Variants in BBOX1 observed in about 807,000 individuals in gnomAD.
The protein encoded by BBOX1 is gamma-butyrobetaine dioxygenase.
BBOX1 carries 35 observed loss-of-function variants against 41.6 expected under a neutral mutation model. The observed-to-expected ratio is 0.84, with a 90% CI of 0.64 to 1.11. The LOEUF (loss-of-function observed/expected upper bound fraction) is 1.11, where lower values mean the gene tolerates loss of function less well. BBOX1 is among the 50% of genes most tolerant of loss of function. The pLI is 0.00. For missense variants in BBOX1, 458 were observed against 460.6 expected (o/e 0.99, Z 0.05); for synonymous variants, 163 against 154.7 (o/e 1.05, Z -0.40).
intron 2 of BBOX1, among the ~76,000 whole-genome samples, chr11:27,044,000 A>G (rs1412576488): frequency 2.0e-5 from 3 of 152,262 alleles, no homozygotes; most frequent in South Asian, 4.1e-4. Flanking sequence ...CTGGTTCTAG[A>G]TCCTTGAGGA....
In BBOX1 at chr11:27,055,289, G is replaced by A. The variant is rs934005809; in HGVS notation, c.-38-104G>A. ...AGTCAAACCGCAGACTCTGACAGCT[G>A]AGTGAATAGCAGAGGCCAGAGTCCA... On this transcript the variant is annotated intron_variant, in intron 2 of 8. Transcript: ENST00000263182. 5.9e-5 allele frequency: 41 copies of A among 700,202 alleles called. No individual in the cohort carries two copies. In the African/African-American group the frequency reaches 7.1e-4, roughly 12 times the overall value. 43.4% of individuals were successfully genotyped at this position (700,202 alleles called of 1,614,324 possible). A position where few individuals can be genotyped will look rare whatever the true frequency, so the allele number is the denominator to read the frequency against.
chr11:27,057,304 T>C lies in BBOX1; in HGVS notation c.323T>C (p.Leu108Ser). The C allele has an allele frequency of 8.7e-6, 14 of 1,609,554 alleles. No individual in the cohort carries two copies. The highest frequency in any genetic ancestry group is 1.1e-5 in the South Asian group (1 of 89,934). ...GCCAGAGCAAAGCTCCAAAGAGAAT[T>C]GTTTTTTCCAGGTAACTTTGCCAAA... is the stretch of plus-strand genomic sequence containing the variant. ...KQARAKLQRE[L>S]FFPECQYWGS... The change falls in exon 4 of 9, where the codon TTG (leucine) becomes TCG (serine). Residue 108 changes from leucine (L) to serine (S), a missense_variant. Physicochemically the swap from Leu to Ser is moderately radical, Grantham distance 145. Transcript: ENST00000263182.
At chr11:27,088,300 T>A (rs1253533798) in intron 4 of BBOX1, among the ~76,000 whole-genome samples, 1 of 152,026 alleles carries the variant, frequency 6.6e-6, no homozygotes. Context: ...TGCCACATGG[T>A]CACTGAAACT....
At chr11:27,043,618 G>A (rs1366855806) in intron 2 of BBOX1, among the ~76,000 whole-genome samples, 1 of 152,010 alleles carries the variant, frequency 6.6e-6, no homozygotes, top group Non-Finnish European at 1.5e-5. Context: ...CACAGGCCCT[G>A]GTATGTGATG....
chr11:27,061,687 G>A (rs1857137141), intron 4 of BBOX1, among the ~76,000 whole-genome samples: 1 of 152,162 alleles, frequency 6.6e-6, no homozygotes, highest in Non-Finnish European at 1.5e-5. Flanking sequence ...GAATCAAGAT[G>A]CAGACAATTT....
chr11:27,114,022 A>G (rs769017021), intron 5 of BBOX1, among the ~76,000 whole-genome samples: 1 of 151,894 alleles, frequency 6.6e-6, no homozygotes, highest in East Asian at 1.9e-4. Context: ...ATCCACCCAA[A>G]AAAAGCTACT....
At chr11:27,123,429 G>A (rs1335324776) in intron 7 of BBOX1, among the ~76,000 whole-genome samples, 1 of 152,248 alleles carries the variant, frequency 6.6e-6, no homozygotes, top group Non-Finnish European at 1.5e-5. Context: ...TATGGTAATA[G>A]TGGAAGAAAA....
At chr11:27,089,778 T>C (rs1333650336) in intron 4 of BBOX1, among the ~76,000 whole-genome samples, 1 of 152,028 alleles carries the variant, frequency 6.6e-6, no homozygotes, top group Non-Finnish European at 1.5e-5. Context: ...GGTGTGAGCT[T>C]TGGAAAGAGG....
At chr11:27,107,115 A>G (rs1180454851) in intron 5 of BBOX1, among the ~76,000 whole-genome samples, 3 of 152,176 alleles carry the variant, frequency 2.0e-5, no homozygotes, top group African/African-American at 7.2e-5. Context: ...TTATAGCACT[A>G]AATGCCCACA....
At chr11:27,059,706 G>A (rs1374196852) in intron 4 of BBOX1, among the ~76,000 whole-genome samples, 1 of 152,212 alleles carries the variant, frequency 6.6e-6, no homozygotes, top group African/African-American at 2.4e-5. Context: ...GTACCATTGT[G>A]TCCTGGAGGC....
chr11:27,112,963 A>G (rs1859126546), intron 5 of BBOX1, among the ~76,000 whole-genome samples: 1 of 152,046 alleles, frequency 6.6e-6, no homozygotes, highest in African/African-American at 2.4e-5. Context: ...CAAGCAAAAA[A>G]CAAACAACCC....
intron 4 of BBOX1, among the ~76,000 whole-genome samples, chr11:27,083,770 A>G (rs34667672): frequency 0.11 from 16,694 of 152,178 alleles, 1,234 homozygotes; most frequent in East Asian, 0.28. Context: ...AAGTGATCAT[A>G]TCTATCTTTA....
rs941773281 is a variant in BBOX1, at chr11:27,055,614, A to T, written c.184A>T (p.Ile62Phe). 5.6e-6 allele frequency: 9 copies of T among 1,613,988 alleles called. No individual in the cohort carries two copies. The African/African-American group carries it at 8.0e-5, about 14-fold the overall frequency. ...KLLVEALDVN[I>F]GIKGLIFDRK... is the part of the protein sequence containing the mutation. ...TCTAGTGGAAGCTCTTGATGTGAAC[A>T]TTGGAATTAAAGGCTTGATATTTGA... Residue 62 changes from isoleucine to phenylalanine, a missense_variant, in exon 3 of 9, where the codon ATT becomes TTT. By Grantham distance (21) the Ile-to-Phe change is conservative (BLOSUM62 0). Transcript: ENST00000263182.
intron 7 of BBOX1, among the ~76,000 whole-genome samples, chr11:27,124,013 C>A (rs190302504): frequency 1.3e-5 from 2 of 152,320 alleles, no homozygotes; most frequent in East Asian, 3.9e-4. Flanking sequence ...TAATCACCAA[C>A]TGTTGAGTTT....
intron 4 of BBOX1, among the ~76,000 whole-genome samples, chr11:27,088,041 A>T (rs538164883): frequency 6.2e-4 from 94 of 152,122 alleles, no homozygotes; most frequent in African/African-American, 2.1e-3. Flanking sequence ...TTTAAAGAAT[A>T]TAAATCTTTC....
At chr11:27,057,364 G>A in intron 4 of BBOX1, 49 bp downstream of exon 4, 1 of 1,417,722 alleles carries the variant, frequency 7.1e-7, no homozygotes, top group Non-Finnish European at 9.8e-7. Flanking sequence ...TACAGTAAAG[G>A]ATTTTTATTA....
chr11:27,121,810 G>A (rs140340131), intron 7 of BBOX1, among the ~76,000 whole-genome samples: 5 of 152,204 alleles, frequency 3.3e-5, no homozygotes, highest in East Asian at 1.9e-4. Context: ...TCAAAATTTT[G>A]TTAAGACACA....
At chr11:27,111,325 T>C (rs1353414137) in intron 5 of BBOX1, among the ~76,000 whole-genome samples, 3 of 151,542 alleles carry the variant, frequency 2.0e-5, no homozygotes, top group Non-Finnish European at 2.9e-5. Context: ...ATGGCAAAAA[T>C]AGACACTAGG....
chr11:27,074,036 C>T (rs1055447197), intron 4 of BBOX1, among the ~76,000 whole-genome samples: 5 of 152,126 alleles, frequency 3.3e-5, no homozygotes, highest in African/African-American at 1.2e-4. Flanking sequence ...ATGTTGTGCA[C>T]ATGTACCCTA....
Sources: allele counts gnomAD v4.1 joint callset (sites outside exome capture counted in the v4.1 genomes callset), GRCh38; gene constraint gnomAD v4.1.1; transcripts MANE v1.5; gene names NCBI Gene and HGNC (gene_info 2026-07-23, HGNC 2026-07-21).